Variants in TMEM65 observed in about 807,000 individuals in gnomAD.
TMEM65 encodes transmembrane protein 65.
A neutral mutation model predicts 25.4 loss-of-function variants in TMEM65; 22 were observed. The ratio of observed to expected loss-of-function variants is 0.86; its 90% CI spans 0.62 to 1.23. TMEM65 has a LOEUF of 1.23. Among genes scored for constraint, TMEM65 ranks in the 50% most tolerant of loss-of-function variants. The probability of loss-of-function intolerance (pLI) is 0.00; values close to 1 mark genes in which losing one functional copy is unlikely to be tolerated. For synonymous variants in TMEM65, 132 were observed against 126.2 expected (o/e 1.05, Z -0.31); for missense variants, 262 against 308.2 (o/e 0.85, Z 1.12).
intron 1 of TMEM65, among the ~76,000 whole-genome samples, chr8:124,348,889 G>A (rs1814673690): frequency 1.3e-5 from 2 of 152,168 alleles, no homozygotes; most frequent in African/African-American, 4.8e-5. Context: ...AGGGTCGTCT[G>A]GGATATGATA....
chr8:124,309,920 G>A lies in TMEM65; in HGVS notation c.*4040C>T, dbSNP rs1020150287. On this transcript the variant is annotated 3_prime_UTR_variant, in exon 7 of 7. Coordinates refer to ENST00000297632, the MANE Select transcript of TMEM65 (RefSeq NM_194291.3). The stretch of plus-strand genomic sequence containing the variant: ...ACAAAAAAATTAGGCTCGGTGGCAC[G>A]TGCCTGTAATCCCAGCTACTCAGGA... 2.0e-5 allele frequency: 3 copies of A among 151,994 alleles called. No homozygotes were observed. Among genetic ancestry groups the A allele is most frequent in the East Asian group, 1.9e-4 (1 of 5,192 alleles). The allele number at this position is 151,994 out of a possible 1,614,324, so 9.4% of individuals were successfully genotyped here. A position where few individuals can be genotyped will look rare whatever the true frequency, so the allele number is the denominator to read the frequency against.
At chr8:124,359,986 G>A (rs188445853) in intron 1 of TMEM65, among the ~76,000 whole-genome samples, 29 of 152,142 alleles carry the variant, frequency 1.9e-4, no homozygotes, top group Admixed American at 4.6e-4. Context: ...TTTCCTTAAT[G>A]GCCTTCACCC....
intron 6 of TMEM65, among the ~76,000 whole-genome samples, chr8:124,316,556 C>T (rs928531871): frequency 6.6e-6 from 1 of 152,096 alleles, no homozygotes; most frequent in Non-Finnish European, 1.5e-5. Context: ...GGAACAGAAT[C>T]ACTGTTGCCA....
intron 1 of TMEM65, among the ~76,000 whole-genome samples, chr8:124,361,337 A>T (rs1392749314): frequency 6.6e-6 from 1 of 151,600 alleles, no homozygotes; most frequent in East Asian, 2.0e-4. Context: ...CCAGAGGCTG[A>T]GGCAGGAGAA....
At chr8:124,346,461 G>T (rs1315910602) in intron 1 of TMEM65, among the ~76,000 whole-genome samples, 1 of 152,010 alleles carries the variant, frequency 6.6e-6, no homozygotes, top group Non-Finnish European at 1.5e-5. Context: ...TGGAAATAAT[G>T]ACTCTTAACG....
intron 3 of TMEM65, among the ~76,000 whole-genome samples, chr8:124,324,323 T>C (rs72711165): frequency 0.021 from 3,217 of 152,232 alleles, 75 homozygotes; most frequent in East Asian, 0.1. Flanking sequence ...TTCTTTCCCC[T>C]AGAGCTTTTG....
intron 6 of TMEM65, among the ~76,000 whole-genome samples, chr8:124,319,365 C>T (rs926384743): frequency 6.6e-6 from 1 of 152,060 alleles, no homozygotes; most frequent in African/African-American, 2.4e-5. Context: ...CCTGGCTCTC[C>T]ATCACTTAGG....
At position 124,307,718 on chromosome 8, in the gene TMEM65, A is replaced by G. The variant is rs1298992733; in HGVS notation, c.*6242T>C. 1.3e-5 allele frequency: 2 copies of G among 152,122 alleles called. No homozygotes were observed. The highest frequency in any genetic ancestry group is 2.9e-5 in the Non-Finnish European group (2 of 68,016). The allele number at this position is 152,122 out of a possible 1,614,324, so 9.4% of individuals were successfully genotyped here. Reference sequence around the variant, plus strand: ...GGATGGCTTGATAATATTAGAAAGAAGTTTGGCTTTAAAAATGTTAAGATA... The same window carrying G: ...GGATGGCTTGATAATATTAGAAAGAGGTTTGGCTTTAAAAATGTTAAGATA... On this transcript the variant is annotated 3_prime_UTR_variant, in exon 7 of 7. Transcript: ENST00000297632.
chr8:124,372,284 C>G lies in TMEM65; in HGVS notation c.-127G>C, dbSNP rs987019381. On this transcript the variant is annotated 5_prime_UTR_variant, in exon 1 of 7. Coordinates refer to ENST00000297632, the MANE Select transcript of TMEM65 (RefSeq NM_194291.3). Reference sequence around the variant, plus strand: ...TCCTCCTGCCAGGCAGCCGAGGCGCCGGGCACCATGCACTCCGCGGGCCCG... The same window carrying G: ...TCCTCCTGCCAGGCAGCCGAGGCGCGGGGCACCATGCACTCCGCGGGCCCG... 2 of 925,174 alleles carry G rather than the reference C, an allele frequency of 2.2e-6. No homozygotes were observed. Among genetic ancestry groups the G allele is most frequent in the Non-Finnish European group, 1.3e-6 (1 of 747,126 alleles). The allele number at this position is 925,174 out of a possible 1,614,324, so 57.3% of individuals were successfully genotyped here.
intron 1 of TMEM65, among the ~76,000 whole-genome samples, chr8:124,334,259 C>T (rs954161933): frequency 6.6e-6 from 1 of 152,052 alleles, no homozygotes; most frequent in Non-Finnish European, 1.5e-5. Context: ...GACCCATTTT[C>T]AGAAGACAAT....
At chr8:124,335,606 T>A (rs1205234653) in intron 1 of TMEM65, among the ~76,000 whole-genome samples, 1 of 152,102 alleles carries the variant, frequency 6.6e-6, no homozygotes, top group Non-Finnish European at 1.5e-5. Flanking sequence ...ACTGATTTGG[T>A]AATTTAGTTG....
At chr8:124,340,698 C>A (rs180821156) in intron 1 of TMEM65, among the ~76,000 whole-genome samples, 5 of 152,026 alleles carry the variant, frequency 3.3e-5, no homozygotes, top group Non-Finnish European at 7.4e-5. Context: ...TTATTAAAAA[C>A]GAGTGAGTTA....
intron 6 of TMEM65, among the ~76,000 whole-genome samples, chr8:124,318,369 G>GTTTTTTTTTGTTTTTTT (rs1814264359): frequency 1.5e-5 from 1 of 64,956 alleles, no homozygotes; most frequent in African/African-American, 5.9e-5. Context: ...GCATGTTTTT[G>GTTTTTTTTTGTTTTTTT]TTTTTTTTTT....
chr8:124,364,881 A>G (rs961687507), intron 1 of TMEM65, among the ~76,000 whole-genome samples: 1 of 152,224 alleles, frequency 6.6e-6, no homozygotes, highest in Non-Finnish European at 1.5e-5. Flanking sequence ...TGCTAATAAA[A>G]TCTACACTCA....
chr8:124,351,942 C>T (rs932484670), intron 1 of TMEM65, among the ~76,000 whole-genome samples: 1 of 152,134 alleles, frequency 6.6e-6, no homozygotes, highest in African/African-American at 2.4e-5. Context: ...CTCTTTTGGT[C>T]CATTTCCTTT....
At chr8:124,329,735 A>G (rs1323905090) in intron 2 of TMEM65, among the ~76,000 whole-genome samples, 1 of 152,014 alleles carries the variant, frequency 6.6e-6, no homozygotes. Flanking sequence ...ACAAAGATAA[A>G]TAAGACTTGG....
At chr8:124,370,405 T>C (rs1292956259) in intron 1 of TMEM65, among the ~76,000 whole-genome samples, 3 of 152,208 alleles carry the variant, frequency 2.0e-5, no homozygotes, top group Non-Finnish European at 2.9e-5. Flanking sequence ...ACTGACTATA[T>C]TATTTTTCCA....
Position 124,309,547 on chromosome 8 carries a change from T to C in TMEM65, c.*4413A>G, listed in dbSNP as rs1814131003. 2.6e-5 allele frequency: 4 copies of C among 152,336 alleles called. No homozygotes were observed. The highest frequency in any genetic ancestry group is 2.6e-4 in the Admixed American group (4 of 15,306). 9.4% of individuals were successfully genotyped at this position (152,336 alleles called of 1,614,324 possible). On this transcript the variant is annotated 3_prime_UTR_variant, in exon 7 of 7. Coordinates refer to ENST00000297632, the MANE Select transcript of TMEM65 (RefSeq NM_194291.3). ...ACAATGAATTCCAAAGTGAAACATATTTCACATATCTGAGATTTTCTTAAC... is the reference window on the plus strand; with the variant it reads ...ACAATGAATTCCAAAGTGAAACATACTTCACATATCTGAGATTTTCTTAAC...
intron 1 of TMEM65, among the ~76,000 whole-genome samples, chr8:124,349,358 G>C (rs1284174629): frequency 6.6e-6 from 1 of 151,700 alleles, no homozygotes; most frequent in Non-Finnish European, 1.5e-5. Flanking sequence ...AAAAATTGAA[G>C]TTAAAATAAA....
Sources: allele counts gnomAD v4.1 joint callset (sites outside exome capture counted in the v4.1 genomes callset), GRCh38; gene constraint gnomAD v4.1.1; transcripts MANE v1.5; gene names NCBI Gene and HGNC (gene_info 2026-07-23, HGNC 2026-07-21).